The following TTN variants were observed in gnomAD, a reference collection of about 807,000 sequenced individuals.
TTN encodes the protein titin.
TTN carries 1,525 observed loss-of-function variants against 3,223.0 expected under a neutral mutation model. That is an observed-to-expected ratio of 0.47 (90% CI 0.45 to 0.49). The LOEUF is 0.49. TTN is among the 20% of genes least tolerant of loss of function. TTN has a pLI of 0.00. For missense variants in TTN, 40,786 were observed against 43,424.0 expected, an observed-to-expected ratio of 0.94 and a Z score of 5.40; for synonymous variants, 14,094 against 15,161.0, an observed-to-expected ratio of 0.93 and a Z score of 5.17.
At chr2:178,601,836 T>C (rs751963996) in intron 285 of TTN, 46 bp downstream of exon 285, 3 of 1,606,640 alleles carry the variant, frequency 1.9e-6, no homozygotes, top group South Asian at 1.1e-5. Flanking sequence ...CATAGCAATA[T>C]TGAAGTCAAC....
chr2:178,604,520 A>T (rs1342989955), intron 281 of TTN, among the ~76,000 whole-genome samples, 188 bp downstream of exon 281: 1 of 152,046 alleles, frequency 6.6e-6, no homozygotes, highest in Non-Finnish European at 1.5e-5. Context: ...TTAAAAGAGT[A>T]TCTGTGTATC....
At position 178,677,890 on chromosome 2, in the gene TTN, A is replaced by T. The variant is rs748576296; in HGVS notation, c.34022T>A (p.Val11341Asp). 1 of 1,606,338 alleles carries T rather than the reference A, an allele frequency of 6.2e-7. No individual in the cohort carries two copies. Among genetic ancestry groups the T allele is most frequent in the South Asian group, 1.1e-5 (1 of 89,278 alleles). Residue 11341 changes from valine (V) to aspartate (D), a missense_variant, in exon 146 of 363, where the codon GTT (valine) becomes GAT (aspartate). Physicochemically the swap from Val to Asp is radical, Grantham distance 152. Transcript: ENST00000589042. ...CTCTTCCTGAGGTAGAGCTACAGGAACTGGAACTGGTTCACGTTTCTTTGG... is the reference window on the plus strand; with the variant it reads ...CTCTTCCTGAGGTAGAGCTACAGGATCTGGAACTGGTTCACGTTTCTTTGG... ...KVPKKREPVP[V>D]PVALPQEEEV...
At chr2:178,544,168 A>G (rs1266293388) in intron 345 of TTN, 33 bp downstream of exon 345, 2 of 1,605,690 alleles carry the variant, frequency 1.2e-6, no homozygotes, top group African/African-American at 1.3e-5. Flanking sequence ...GTGAGAAGAA[A>G]ATAATTCACC....
Position 178,577,163 on chromosome 2 carries a change from T to A in TTN, c.69172A>T (p.Thr23058Ser), listed in dbSNP as rs752304059. Reference sequence around the variant, plus strand: ...TCCAAGGGAGGTGTCCATGTAAGTGTTGCTTTTTCAGCAGAAACATTACTG... The same window carrying A: ...TCCAAGGGAGGTGTCCATGTAAGTGATGCTTTTTCAGCAGAAACATTACTG... ...EISNVSAEKATLTWTPPLEDG... is the reference protein window; with the variant it reads ...EISNVSAEKASLTWTPPLEDG... Residue 23058 changes from threonine (T) to serine (S), a missense_variant, in exon 324 of 363, where the codon ACA becomes TCA. Thr to Ser is a moderately conservative substitution (Grantham distance 58). Transcript: ENST00000589042. 1.3e-5 allele frequency: 21 copies of A among 1,612,986 alleles called. No individual in the cohort carries two copies. The highest frequency in any genetic ancestry group is 1.6e-5 in the Non-Finnish European group (19 of 1,179,394).
Position 178,588,228 on chromosome 2 carries a change from A to G in TTN, c.63188-9T>C, listed in dbSNP as rs774295246. ...TGGTGGACCAGGTGGCTCTGAAAGTAAAATATACATATAGTTAACTACTAC... is the reference window on the plus strand; with the variant it reads ...TGGTGGACCAGGTGGCTCTGAAAGTGAAATATACATATAGTTAACTACTAC... On this transcript the variant is annotated splice_polypyrimidine_tract_variant and intron_variant, in intron 304 of 362. Coordinates refer to ENST00000589042, the MANE Select transcript of TTN (RefSeq NM_001267550.2). 1 of 1,550,948 alleles carries G rather than the reference A, an allele frequency of 6.4e-7. No homozygotes were observed. The highest frequency in any genetic ancestry group is 2.3e-5 in the East Asian group (1 of 43,990).
rs763109620 is a variant in TTN at position 178,527,205 on chromosome 2, A to T, written c.107783T>A (p.Val35928Glu). ...CAFTGEPTPE[V>E]TWSCGGRKIH... The stretch of plus-strand genomic sequence containing the variant: ...TTTTCTTCCACCACAGGACCATGTT[A>T]CTTCTGGGGTAGGCTCACCCGTGAA... The change falls in exon 363 of 363, where the codon GTA becomes GAA. Residue 35928 changes from valine to glutamate, a missense_variant. Val to Glu is a moderately radical substitution (Grantham distance 121, BLOSUM62 -2). Coordinates refer to ENST00000589042, the MANE Select transcript of TTN (RefSeq NM_001267550.2). 1.7e-5 allele frequency: 28 copies of T among 1,613,830 alleles called. No homozygotes were observed.
chr2:178,803,495 A>G (rs1406576045), intron 2 of TTN, among the ~76,000 whole-genome samples: 1 of 151,844 alleles, frequency 6.6e-6, no homozygotes, highest in Non-Finnish European at 1.5e-5. Flanking sequence ...TCATTGGTCT[A>G]TATATGTACA....
rs559452356 is a variant in TTN at position 178,634,243 on chromosome 2, G to C, written c.42415+123C>G. 1 of 1,481,952 alleles carries C rather than the reference G, an allele frequency of 6.7e-7. No individual in the cohort carries two copies. Among genetic ancestry groups the C allele is most frequent in the South Asian group, 1.3e-5 (1 of 75,316 alleles). 91.8% of individuals were successfully genotyped at this position (1,481,952 alleles called of 1,614,324 possible). ...AAAACAAATTAAGGGGGGTTGTTTT[G>C]GTAACACTGTGAAAGTTAATTAGTG... is the stretch of plus-strand genomic sequence containing the variant. On this transcript the variant is annotated intron_variant, in intron 230 of 362. Transcript: ENST00000589042. This position sits in a 1 kb window ranked among gnomAD's most constrained non-coding sequence, Gnocchi z 4.6.
rs1265824976 is a variant in TTN at position 178,570,420 on chromosome 2, T to C, written c.75712A>G (p.Ile25238Val). 1 of 1,613,106 alleles carries C rather than the reference T, an allele frequency of 6.2e-7. No homozygotes were observed. Among genetic ancestry groups the C allele is most frequent in the African/African-American group, 1.3e-5 (1 of 74,906 alleles). ...TCTCTCCTTTCCACAATATAATTTA[T>C]GATGTCACTCCCACCATCCTGAAGT... The part of the protein sequence containing the change: ...PPLQDGGSDI[I>V]NYIVERRETS... The change falls in exon 326 of 363, where the codon ATA becomes GTA. Residue 25238 changes from isoleucine to valine, a missense_variant. Coordinates refer to ENST00000589042, the MANE Select transcript of TTN (RefSeq NM_001267550.2).
At position 178,799,625 on chromosome 2, in the gene TTN, G is replaced by A. The variant is rs746449148; in HGVS notation, c.776C>T (p.Pro259Leu). The A allele has an allele frequency of 2.5e-6, 4 of 1,614,106 alleles. No individual in the cohort carries two copies. The highest frequency in any genetic ancestry group is 1.3e-5 in the African/African-American group (1 of 75,026). The change falls in exon 6 of 363, where the codon CCG (proline) becomes CTG (leucine). Residue 259 changes from proline (P) to leucine (L), a missense_variant. Pro to Leu is a moderately conservative substitution (Grantham distance 98). Transcript: ENST00000589042. ...TGTTGGGGATCTTGACTTTGGCTTC[G>A]GAGGAATCCTGGGAGGTGTTTTATG... The part of the protein sequence containing the change: ...LPHKTPPRIP[P>L]KPKSRSPTPP...
chr2:178,688,854 G>A (rs2071562746), intron 125 of TTN, 76 bp from the exon 126 acceptor site: 1 of 1,269,940 alleles, frequency 7.9e-7, no homozygotes, highest in African/African-American at 1.5e-5. Context: ...TTGGGGAAGA[G>A]TTGCACAGTA....
In TTN at chr2:178,715,774, T is replaced by C; in HGVS notation, c.25640A>G (p.Glu8547Gly). 1.3e-6 allele frequency: 2 copies of C among 1,574,024 alleles called. No homozygotes were observed. The highest frequency in any genetic ancestry group is 1.7e-6 in the Non-Finnish European group (2 of 1,157,814). ...DSCSAQLGVQ[E>G]PPRFIKKLEP... Reference sequence around the variant, plus strand: ...TAGCTTCTTAATGAACCTGGGTGGTTCTATGGAACCAAGAGGAAAAACACA... The same window carrying C: ...TAGCTTCTTAATGAACCTGGGTGGTCCTATGGAACCAAGAGGAAAAACACA... Residue 8547 changes from glutamate (E) to glycine (G), a missense_variant and splice_region_variant, in exon 89 of 363, where the codon GAA becomes GGA. Transcript: ENST00000589042.
Position 178,720,614 on chromosome 2 carries a change from A to G in TTN, c.23148T>C (p.Gly7716=), listed in dbSNP as rs1264875099. 2 of 1,612,152 alleles carry G rather than the reference A, an allele frequency of 1.2e-6. No homozygotes were observed. The highest frequency in any genetic ancestry group is 8.5e-7 in the Non-Finnish European group (1 of 1,179,214). ...TTTCACATTGGAGAATCACATCAGA[A>G]CCTTTAAGAGCTCCTACTGGAGAAG... is the stretch of plus-strand genomic sequence containing the variant. The part of the protein sequence containing the change: ...QKPSPVGALK[G]SDVILQCEIS... The change falls in exon 80 of 363, where the codon GGT becomes GGC. Residue 7716 remains glycine, a synonymous_variant. Coordinates refer to ENST00000589042, the MANE Select transcript of TTN (RefSeq NM_001267550.2).
intron 168 of TTN, 139 bp from the exon 169 acceptor site, chr2:178,664,237 T>G: frequency 1.1e-6 from 1 of 929,336 alleles, no homozygotes; most frequent in Non-Finnish European, 1.6e-6. Flanking sequence ...ATAGGTGGTG[T>G]TTCAGGTTTT....
rs370702360 is a variant in TTN, at chr2:178,534,595, A to G, written c.102020T>C (p.Val34007Ala). The change falls in exon 358 of 363, where the codon GTG (valine) becomes GCG (alanine). Residue 34007 changes from valine (V) to alanine (A), a missense_variant. Physicochemically the swap from Val to Ala is moderately conservative, Grantham distance 64. Transcript: ENST00000589042. ...GAATGGGTTGATACCACTCAATAGC[A>G]CATATACCAGTGTTCCAAGTGACCA... Reference protein sequence around the residue: ...DMWSLGTLVYVLLSGINPFLA... With the variant: ...DMWSLGTLVYALLSGINPFLA... The G allele has an allele frequency of 6.2e-7, 1 of 1,613,760 alleles. No homozygotes were observed. The highest frequency in any genetic ancestry group is 1.3e-5 in the African/African-American group (1 of 74,910).
rs1419121704 is a variant in TTN, at chr2:178,672,388, A to G, written c.34930+19T>C. On this transcript the variant is annotated intron_variant, in intron 154 of 362. Coordinates refer to ENST00000589042, the MANE Select transcript of TTN (RefSeq NM_001267550.2). ...TGCATGCAACAATACACGAAAATCCAGGATCTTTCCAAAAATACCTTTAGC... is the reference window on the plus strand; with the variant it reads ...TGCATGCAACAATACACGAAAATCCGGGATCTTTCCAAAAATACCTTTAGC... 2 of 1,602,058 alleles carry G rather than the reference A, an allele frequency of 1.2e-6. No individual in the cohort carries two copies. Among genetic ancestry groups the G allele is most frequent in the Non-Finnish European group, 1.7e-6 (2 of 1,176,300 alleles).
At position 178,747,987 on chromosome 2, in the gene TTN, T is replaced by C; in HGVS notation, c.11311+5137A>G. 2.5e-6 allele frequency: 4 copies of C among 1,613,068 alleles called. No homozygotes were observed. The South Asian group carries it at 4.4e-5, about 18-fold the overall frequency. On this transcript the variant is annotated intron_variant, in intron 47 of 362. Transcript: ENST00000589042. The stretch of plus-strand genomic sequence containing the variant: ...CTGTGGTCTTCCAAAGTGGCATCTG[T>C]ATATTCCTGTGTCCCACCATCCTGC...
At position 178,578,669 on chromosome 2, in the gene TTN, G is replaced by A. The variant is rs750271244; in HGVS notation, c.68271C>T (p.His22757=). The stretch of plus-strand genomic sequence containing the variant: ...CAGTCCAAGTTAGAGATACTGAATC[G>A]TGTCTGACATCCACAATATTGGGAG... The part of the protein sequence containing the change: ...PPPPNIVDVR[H]DSVSLTWTDP... Residue 22757 remains histidine, a synonymous_variant, in exon 321 of 363, where the codon CAC becomes CAT. Transcript: ENST00000589042. 9 of 1,611,920 alleles carry A rather than the reference G, an allele frequency of 5.6e-6. No individual in the cohort carries two copies. The highest frequency in any genetic ancestry group is 1.3e-5 in the African/African-American group (1 of 74,914).
Position 178,719,264 on chromosome 2 carries a change from C to T in TTN, c.24126G>A (p.Leu8042=). 6.2e-7 allele frequency: 1 copy of T among 1,613,728 alleles called. No individual in the cohort carries two copies. The highest frequency in any genetic ancestry group is 1.3e-5 in the African/African-American group (1 of 75,004). Residue 8042 remains leucine (L), a synonymous_variant, in exon 83 of 363, where the codon TTG becomes TTA. Transcript: ENST00000589042. ...QSSFSENVCT[L]NLSLLEPSDT... The stretch of plus-strand genomic sequence containing the variant: ...CGGAGGGCTCCAACAAGCTCAGATT[C>T]AAAGTACAGACGTTTTCCGAAAAGC...
Sources: allele counts gnomAD v4.1 joint callset (sites outside exome capture counted in the v4.1 genomes callset), GRCh38; gene constraint gnomAD v4.1.1; non-coding constraint Gnocchi (gnomAD v3.1); transcripts MANE v1.5; gene names NCBI Gene and HGNC (gene_info 2026-07-23, HGNC 2026-07-21).